The following ACBD5 variants were observed in gnomAD, a reference collection of about 807,000 sequenced individuals.
ACBD5 encodes the protein acyl-CoA binding domain containing 5, also known as acyl-CoA-binding domain-containing protein 5.
A neutral mutation model predicts 71.8 loss-of-function variants in ACBD5; 40 were observed. That is an observed-to-expected ratio of 0.56 (90% confidence interval 0.43 to 0.72). The LOEUF is 0.72. Among genes scored for constraint, ACBD5 ranks in the 30% least tolerant of loss-of-function variants. ACBD5 has a pLI of 0.00. For synonymous variants in ACBD5, 229 were observed against 218.6 expected (o/e 1.05, Z -0.42); for missense variants, 559 against 644.5 (o/e 0.87, Z 1.44).
intron 8 of ACBD5, among the ~76,000 whole-genome samples, chr10:27,215,147 G>A (rs1314011901): frequency 6.6e-6 from 1 of 151,750 alleles, no homozygotes; most frequent in African/African-American, 2.4e-5. Flanking sequence ...CTGGGTGACA[G>A]ACAGAGACCC....
chr10:27,238,042 T>C (rs998516449), intron 2 of ACBD5, among the ~76,000 whole-genome samples: 5 of 151,936 alleles, frequency 3.3e-5, no homozygotes, highest in African/African-American at 1.2e-4. Context: ...GCCTCCCGGG[T>C]TCACGCCATT....
chr10:27,233,804 G>C (rs953138973), intron 3 of ACBD5, among the ~76,000 whole-genome samples: 1 of 152,192 alleles, frequency 6.6e-6, no homozygotes, highest in East Asian at 1.9e-4. Flanking sequence ...CACCACTTTG[G>C]GAGGCCGAGG....
intron 12 of ACBD5, among the ~76,000 whole-genome samples, chr10:27,200,412 A>G (rs1161642773): frequency 6.6e-6 from 1 of 152,088 alleles, no homozygotes; most frequent in East Asian, 1.9e-4. Flanking sequence ...ATGGGCAATG[A>G]GCAGCCATTA....
At chr10:27,189,588 T>A (rs10829205) in intron 13 of ACBD5, among the ~76,000 whole-genome samples, 1 of 131,934 alleles carries the variant, frequency 7.6e-6, no homozygotes, top group African/African-American at 2.9e-5. Context: ...CACATGGACA[T>A]AGGAAGGGGA....
intron 13 of ACBD5, among the ~76,000 whole-genome samples, chr10:27,189,702 A>C (rs1040393267): frequency 1.3e-4 from 20 of 151,596 alleles, no homozygotes; most frequent in Non-Finnish European, 5.9e-5. Flanking sequence ...CCAACATGGC[A>C]CATGTATACA....
chr10:27,241,053 G>T (rs77673185), upstream of ACBD5, among the ~76,000 whole-genome samples: 900 of 152,324 alleles, frequency 5.9e-3, 42 homozygotes, highest in East Asian at 0.11. Context: ...CGATGTGTCC[G>T]CTCTGGCAGC....
At chr10:27,185,071 C>T (rs1169469428) in intron 13 of ACBD5, among the ~76,000 whole-genome samples, 3 of 152,066 alleles carry the variant, frequency 2.0e-5, no homozygotes, top group Admixed American at 1.3e-4. Context: ...ATGAAGAGAA[C>T]GTGTCAGAAC....
chr10:27,217,326 C>T (rs767880104), intron 7 of ACBD5, among the ~76,000 whole-genome samples: 42 of 149,404 alleles, frequency 2.8e-4, no homozygotes, highest in Non-Finnish European at 4.5e-4. Flanking sequence ...CATGGTGGCA[C>T]GTGCCTGTTA....
chr10:27,208,180 C>A, intron 10 of ACBD5, 66 bp downstream of exon 10: 3 of 1,474,950 alleles, frequency 2.0e-6, no homozygotes, highest in Non-Finnish European at 2.8e-6. Context: ...ATATGATCAA[C>A]GCAGACTCCA....
chr10:27,220,809 C>G (rs1341009954), intron 5 of ACBD5, among the ~76,000 whole-genome samples: 1 of 151,966 alleles, frequency 6.6e-6, no homozygotes. Flanking sequence ...TATGTATATT[C>G]TGAAAATGGC....
chr10:27,194,504 T>C (rs1263686715), downstream of ACBD5, among the ~76,000 whole-genome samples: 5 of 146,832 alleles, frequency 3.4e-5, no homozygotes, highest in Non-Finnish European at 6.0e-5. Flanking sequence ...CCCAGCTATG[T>C]GGGAGGCTGA....
intron 13 of ACBD5, among the ~76,000 whole-genome samples, chr10:27,188,089 T>C (rs1489549133): frequency 1.3e-5 from 2 of 152,210 alleles, no homozygotes; most frequent in Admixed American, 1.3e-4. Flanking sequence ...TGTTGCAATG[T>C]AGTTGACAAA....
intron 7 of ACBD5, among the ~76,000 whole-genome samples, chr10:27,217,292 C>A (rs2061763946): frequency 6.8e-6 from 1 of 146,770 alleles, no homozygotes; most frequent in Admixed American, 6.9e-5. Flanking sequence ...CCCGTCTCTA[C>A]TAAAAATACA....
chr10:27,219,384 G>T (rs935739764), intron 6 of ACBD5, among the ~76,000 whole-genome samples: 7 of 152,082 alleles, frequency 4.6e-5, no homozygotes, highest in Admixed American at 3.3e-4. Flanking sequence ...GATATTGAGA[G>T]TCTAACTTGT....
chr10:27,204,138 C>CA lies in ACBD5; in HGVS notation c.1565+301dup, dbSNP rs11346187. Among the ~76,000 whole-genome samples, 68 of 45,734 alleles carry CA rather than the reference C, an allele frequency of 1.5e-3. 2 individuals are homozygous for CA. The East Asian group carries it at 0.022, about 15-fold the overall frequency. The allele number at this position is 45,734 out of a possible 152,430, so 30.0% of individuals were successfully genotyped here. The stretch of plus-strand genomic sequence containing the variant: ...TGGGCAACAAAACGGGACCCAGTCT[C>CA]AAAAAAAAAAAAAAAAAAAAAAAAA... On this transcript the variant is annotated intron_variant, in intron 12 of 12. Transcript: ENST00000396271.
Position 27,222,760 on chromosome 10 carries a change from G to A in ACBD5, c.490+578C>T, listed in dbSNP as rs1370661859. On this transcript the variant is annotated intron_variant, in intron 5 of 12. Coordinates refer to ENST00000396271, the MANE Select transcript of ACBD5 (RefSeq NM_145698.5). ...TAATTTTTGTGTTTTTTGTAGAGAC[G>A]GGGTTTCACCAAGTTGGCAAGTCTG... is the stretch of plus-strand genomic sequence containing the variant. Among the ~76,000 whole-genome samples, 5 of 151,924 alleles carry A rather than the reference G, an allele frequency of 3.3e-5. No homozygotes were observed. In the East Asian group the frequency reaches 5.8e-4, roughly 18 times the overall value.
chr10:27,211,468 G>A (rs532682164), intron 8 of ACBD5, among the ~76,000 whole-genome samples: 4 of 152,132 alleles, frequency 2.6e-5, no homozygotes, highest in Admixed American at 2.0e-4. Flanking sequence ...TTACAGGCAC[G>A]CACCGCCATG....
At chr10:27,235,065 C>A in intron 3 of ACBD5, 27 bp downstream of exon 3, 1 of 1,608,592 alleles carries the variant, frequency 6.2e-7, no homozygotes. Flanking sequence ...AATTTAAATT[C>A]TTGCATAGCT....
At chr10:27,202,499 C>G (rs2060026422) in intron 12 of ACBD5, among the ~76,000 whole-genome samples, 1 of 152,134 alleles carries the variant, frequency 6.6e-6, no homozygotes, top group South Asian at 2.1e-4. Flanking sequence ...AGTGAACAAC[C>G]TTTTACAAAA....
Sources: gnomAD v4.1 joint callset for allele counts (sites outside exome capture counted in the v4.1 genomes callset) on GRCh38, gnomAD v4.1.1 for gene constraint, MANE v1.5 for transcripts, NCBI Gene and HGNC (gene_info 2026-07-23, HGNC 2026-07-21) for gene names.